The following OLFM3 variants were observed in gnomAD, a reference collection of about 807,000 sequenced individuals.
OLFM3 encodes noelin-3.
In OLFM3, 20 loss-of-function variants were observed where a neutral mutation model predicts 48.6. The ratio of observed to expected loss-of-function variants is 0.41; its 90% CI spans 0.29 to 0.60. OLFM3 has a LOEUF of 0.60. Among genes scored for constraint, OLFM3 ranks in the 20% least tolerant of loss-of-function variants. The probability of loss-of-function intolerance (pLI) is 0.28; values close to 1 mark genes in which losing one functional copy is unlikely to be tolerated. For missense variants in OLFM3, 437 were observed against 544.3 expected (o/e 0.80, Z 1.96); for synonymous variants, 222 against 198.1 (o/e 1.12, Z -1.01).
intron 1 of OLFM3, among the ~76,000 whole-genome samples, chr1:101,903,611 A>T (rs1168076384): frequency 6.6e-6 from 1 of 152,064 alleles, no homozygotes; most frequent in African/African-American, 2.4e-5. Flanking sequence ...TTGCTATTTT[A>T]TACTTTGTTT....
At chr1:101,964,041 T>C (rs1035050162) in intron 1 of OLFM3, among the ~76,000 whole-genome samples, 1 of 152,260 alleles carries the variant, frequency 6.6e-6, no homozygotes, top group Non-Finnish European at 1.5e-5. Context: ...TTTATGCTTA[T>C]ATTGCACAGC....
intron 1 of OLFM3, among the ~76,000 whole-genome samples, chr1:101,991,018 T>A (rs199989866): frequency 0.18 from 5,761 of 32,200 alleles, 294 homozygotes; most frequent in Non-Finnish European, 0.25. Flanking sequence ...AAAAAAAAAA[T>A]ATATATATAT....
At chr1:101,841,471 T>C (rs1655718177) in intron 1 of OLFM3, among the ~76,000 whole-genome samples, 1 of 152,198 alleles carries the variant, frequency 6.6e-6, no homozygotes, top group African/African-American at 2.4e-5. Flanking sequence ...TCTATGTCCA[T>C]TCACCAGTAA....
chr1:101,874,508 A>ATTATACT (rs1210926935), intron 1 of OLFM3, among the ~76,000 whole-genome samples: 1 of 151,502 alleles, frequency 6.6e-6, no homozygotes, highest in Non-Finnish European at 1.5e-5. Flanking sequence ...TAATAATAAT[A>ATTATACT]GTAACAGCAG....
chr1:101,870,849 A>G (rs1396015149), intron 1 of OLFM3, among the ~76,000 whole-genome samples: 2 of 152,114 alleles, frequency 1.3e-5, no homozygotes, highest in East Asian at 3.9e-4. Context: ...GCAAGAATGT[A>G]TAATATAAAA....
chr1:101,810,076 GGAAA>G (rs1653976917), intron 4 of OLFM3, among the ~76,000 whole-genome samples: 1 of 151,838 alleles, frequency 6.6e-6, no homozygotes, highest in Admixed American at 6.6e-5. Flanking sequence ...GAGAGGAAAT[GGAAA>G]GAAAGATGGG....
intron 1 of OLFM3, among the ~76,000 whole-genome samples, chr1:101,901,365 G>A (rs989110394): frequency 1.3e-5 from 2 of 152,036 alleles, no homozygotes; most frequent in African/African-American, 4.8e-5. Context: ...AAATAGTGGA[G>A]ACAATCAAAT....
intron 1 of OLFM3, among the ~76,000 whole-genome samples, chr1:101,930,066 A>G (rs1365632801): frequency 6.6e-6 from 1 of 152,188 alleles, no homozygotes; most frequent in Non-Finnish European, 1.5e-5. Flanking sequence ...AAGAGGCATA[A>G]TAAACTTACT....
intron 4 of OLFM3, among the ~76,000 whole-genome samples, chr1:101,811,269 C>T (rs981287732): frequency 1.3e-5 from 2 of 151,922 alleles, no homozygotes; most frequent in African/African-American, 2.4e-5. Context: ...TTTCTATTGT[C>T]CAAGTGAATA....
chr1:101,944,947 C>G lies in OLFM3; in HGVS notation c.69+51801G>C, dbSNP rs1369566613. 2.6e-5 allele frequency among the ~76,000 whole-genome samples: 4 copies of G among 151,806 alleles called. No homozygotes were observed. The East Asian group carries it at 7.7e-4, about 29-fold the overall frequency. On this transcript the variant is annotated intron_variant, in intron 1 of 5. Coordinates refer to ENST00000370103, the MANE Select transcript of OLFM3 (RefSeq NM_058170.4). ...ATTACCAGATGCCAGAGAAGATGCT[C>G]AGTATTATTTGTCATTGGGAAACAG...
At chr1:101,959,398 A>G (rs1660400776) in intron 1 of OLFM3, among the ~76,000 whole-genome samples, 1 of 150,952 alleles carries the variant, frequency 6.6e-6, no homozygotes, top group Admixed American at 6.6e-5. Flanking sequence ...ATTTGGAGGC[A>G]TAAGGATGAG....
At chr1:101,909,391 G>T (rs1354295321) in intron 1 of OLFM3, among the ~76,000 whole-genome samples, 1 of 152,130 alleles carries the variant, frequency 6.6e-6, no homozygotes, top group African/African-American at 2.4e-5. Context: ...AAAAGTATTT[G>T]GGCAGGCTTA....
chr1:101,940,652 T>C (rs918933746), intron 1 of OLFM3, among the ~76,000 whole-genome samples: 2 of 151,168 alleles, frequency 1.3e-5, no homozygotes, highest in African/African-American at 4.9e-5. Context: ...ACACATTCCT[T>C]GATATTCCCC....
intron 1 of OLFM3, among the ~76,000 whole-genome samples, chr1:101,917,894 A>G (rs6577285): frequency 6.6e-6 from 1 of 151,896 alleles, no homozygotes; most frequent in Non-Finnish European, 1.5e-5. Flanking sequence ...TTACAGTGGT[A>G]TTCTCCTGAG....
chr1:101,910,251 G>T lies in OLFM3; in HGVS notation c.70-73226C>A, dbSNP rs375593044. 4.0e-5 allele frequency: 14 copies of T among 347,086 alleles called. No individual in the cohort carries two copies. In the South Asian group the frequency reaches 1.3e-3, roughly 32 times the overall value. 21.5% of individuals were successfully genotyped at this position (347,086 alleles called of 1,614,324 possible). The stretch of plus-strand genomic sequence containing the variant: ...GGAGGCCGAGGCGGGCGGATCACAA[G>T]GTCAGGAGATCGAGACCATTCTGGC... On this transcript the variant is annotated intron_variant, in intron 1 of 5. Coordinates refer to ENST00000370103, the MANE Select transcript of OLFM3 (RefSeq NM_058170.4).
intron 4 of OLFM3, among the ~76,000 whole-genome samples, chr1:101,816,427 A>T (rs143923021): frequency 2.2e-3 from 328 of 152,308 alleles, no homozygotes; most frequent in Non-Finnish European, 4.2e-3. Flanking sequence ...ATGGTAGTTT[A>T]ATCTGTTTAG....
chr1:101,981,393 A>G (rs893152198), intron 1 of OLFM3, among the ~76,000 whole-genome samples: 2 of 152,216 alleles, frequency 1.3e-5, no homozygotes, highest in African/African-American at 4.8e-5. Flanking sequence ...TCCAATCAGC[A>G]TCATAGTAGA....
chr1:101,840,961 G>A (rs1035241214), intron 1 of OLFM3, among the ~76,000 whole-genome samples: 1 of 152,128 alleles, frequency 6.6e-6, no homozygotes, highest in Non-Finnish European at 1.5e-5. Context: ...ATGAAGTATT[G>A]AGCAGTTTTT....
In OLFM3 at chr1:101,909,423, T is replaced by C. The variant is rs761559675; in HGVS notation, c.70-72398A>G. Among the ~76,000 whole-genome samples, 4 of 152,240 alleles carry C rather than the reference T, an allele frequency of 2.6e-5. No individual in the cohort carries two copies. In the South Asian group the frequency reaches 6.2e-4, roughly 24 times the overall value. On this transcript the variant is annotated intron_variant, in intron 1 of 5. Coordinates refer to ENST00000370103, the MANE Select transcript of OLFM3 (RefSeq NM_058170.4). Reference sequence around the variant, plus strand: ...CTTATAATAGACACTGAGTTTTCCATGAATATATTCATCATGTAAATTGGG... The same window carrying C: ...CTTATAATAGACACTGAGTTTTCCACGAATATATTCATCATGTAAATTGGG...
Sources: gnomAD v4.1 joint callset for allele counts (sites outside exome capture counted in the v4.1 genomes callset) on GRCh38, gnomAD v4.1.1 for gene constraint, MANE v1.5 for transcripts, NCBI Gene and HGNC (gene_info 2026-07-23, HGNC 2026-07-21) for gene names.